Variants in NBPF15 observed in about 807,000 individuals in gnomAD.
NBPF15 encodes the protein NBPF family member NBPF15.
In NBPF15, 74 loss-of-function variants were observed where a neutral mutation model predicts 62.2. The observed-to-expected ratio is 1.19, with a 90% CI of 0.99 to 1.44. The LOEUF is 1.44. NBPF15 is among the 40% of genes most tolerant of loss of function. The pLI is 0.00. For synonymous variants in NBPF15, 244 were observed against 209.7 expected (o/e 1.16, Z -1.41); for missense variants, 790 against 550.0 (o/e 1.44, Z -4.36).
chr1:144,424,556 A>T, intron 20 of NBPF15, 134 bp downstream of exon 20: 1 of 632,342 alleles, frequency 1.6e-6, no homozygotes, highest in Admixed American at 2.9e-5. Flanking sequence ...AGTTTCATTC[A>T]ACCTACATGT....
intron 13 of NBPF15, among the ~76,000 whole-genome samples, chr1:144,430,843 A>C (rs1673640701): frequency 1.3e-5 from 2 of 151,940 alleles, no homozygotes; most frequent in South Asian, 4.2e-4. Flanking sequence ...GATTAGACGA[A>C]TGGCTAACCA....
At chr1:144,427,167 T>C in intron 16 of NBPF15, 69 bp from the exon 17 acceptor site, 2 of 571,164 alleles carry the variant, frequency 3.5e-6, no homozygotes, top group Admixed American at 3.1e-5. Flanking sequence ...ATCCACTGTC[T>C]AATCCTCACA....
rs1379999912 is a variant in NBPF15 at position 144,423,010 on chromosome 1, T to C, written c.*3A>G. ...TGACATCTCTCGGCTTAGTAAGAGC[T>C]GCTTATTGTGGGAATATGACTCCCA... On this transcript the variant is annotated 3_prime_UTR_variant, in exon 22 of 22. Coordinates refer to ENST00000581897, the MANE Select transcript of NBPF15 (RefSeq NM_001385408.1). 3 of 1,611,670 alleles carry C rather than the reference T, an allele frequency of 1.9e-6. No homozygotes were observed. In the South Asian group the frequency reaches 3.3e-5, roughly 18 times the overall value.
At chr1:144,461,253 T>G in intron 1 of NBPF15, 128 bp downstream of exon 1, 1 of 151,986 alleles carries the variant, frequency 6.6e-6, no homozygotes, top group East Asian at 1.9e-4. Flanking sequence ...GCATGGAACT[T>G]AAGCCCCGGC....
intron 17 of NBPF15, among the ~76,000 whole-genome samples, chr1:144,426,785 A>G (rs1251386499): frequency 6.6e-6 from 1 of 151,424 alleles, no homozygotes; most frequent in Non-Finnish European, 1.5e-5. Flanking sequence ...GGGCTCAATA[A>G]TTTTCCATAA....
intron 13 of NBPF15, among the ~76,000 whole-genome samples, chr1:144,430,911 G>A (rs1423832468): frequency 2.6e-5 from 4 of 151,986 alleles, no homozygotes; most frequent in African/African-American, 4.8e-5. Context: ...ACCATGGCAC[G>A]AGAACTACGT....
At chr1:144,436,374 G>A (rs1221449519) in intron 10 of NBPF15, among the ~76,000 whole-genome samples, 1 of 151,868 alleles carries the variant, frequency 6.6e-6, no homozygotes, top group Non-Finnish European at 1.5e-5. Context: ...CCCACATAAA[G>A]TGCCTTCTCC....
chr1:144,461,256 G>A (rs1290344671), intron 1 of NBPF15, 125 bp downstream of exon 1: 2 of 152,060 alleles, frequency 1.3e-5, no homozygotes, highest in Non-Finnish European at 2.9e-5. Context: ...TGGAACTTAA[G>A]CCCCGGCGGG....
intron 20 of NBPF15, among the ~76,000 whole-genome samples, chr1:144,424,238 C>A (rs1297415720): frequency 6.6e-6 from 1 of 151,822 alleles, no homozygotes; most frequent in Non-Finnish European, 1.5e-5. Context: ...AACAGTTATG[C>A]CATATTTTTC....
At chr1:144,441,921 G>C (rs1213689724) in intron 6 of NBPF15, among the ~76,000 whole-genome samples, 4 of 148,216 alleles carry the variant, frequency 2.7e-5, no homozygotes, top group African/African-American at 1.0e-4. Flanking sequence ...TAGAAGCGGC[G>C]GTGCGAGCAT....
At chr1:144,431,273 C>T (rs1674037256) in intron 13 of NBPF15, among the ~76,000 whole-genome samples, 1 of 150,564 alleles carries the variant, frequency 6.6e-6, no homozygotes, top group South Asian at 2.1e-4. Context: ...ACTTAATTGT[C>T]AGATTCACCA....
chr1:144,436,112 T>G (rs1325052652), intron 10 of NBPF15, among the ~76,000 whole-genome samples: 1 of 152,054 alleles, frequency 6.6e-6, no homozygotes, highest in Admixed American at 6.6e-5. Context: ...TGGAGGCTTG[T>G]GCAGCCTCTC....
chr1:144,423,849 T>A, intron 21 of NBPF15, 21 bp downstream of exon 21: 1 of 763,606 alleles, frequency 1.3e-6, no homozygotes, highest in Non-Finnish European at 2.4e-6. Flanking sequence ...GAATTAAGCA[T>A]CCACAATTGC....
At chr1:144,458,164 G>A (rs74124143) in intron 3 of NBPF15, among the ~76,000 whole-genome samples, 16 of 152,042 alleles carry the variant, frequency 1.1e-4, no homozygotes, top group East Asian at 9.6e-4. Flanking sequence ...ACATCACGTC[G>A]GCCCTTTAAA....
At chr1:144,426,213 C>G in intron 18 of NBPF15, 65 bp downstream of exon 18, 3 of 585,464 alleles carry the variant, frequency 5.1e-6, no homozygotes, top group Middle Eastern at 4.5e-4. Flanking sequence ...CCACTTGGAA[C>G]AGGAATATCA....
At chr1:144,442,003 G>T (rs1235027526) in intron 6 of NBPF15, among the ~76,000 whole-genome samples, 2 of 147,768 alleles carry the variant, frequency 1.4e-5, no homozygotes, top group Non-Finnish European at 3.0e-5. Flanking sequence ...ACACACCAGG[G>T]CCTGTCATGG....
chr1:144,453,473 T>G (rs1408209042), intron 4 of NBPF15, among the ~76,000 whole-genome samples: 3 of 151,512 alleles, frequency 2.0e-5, no homozygotes, highest in African/African-American at 4.8e-5. Context: ...AAAAAAAAAT[T>G]AAGTTGAGCC....
intron 13 of NBPF15, among the ~76,000 whole-genome samples, chr1:144,431,448 TTTTCC>T (rs1674210383): frequency 6.7e-6 from 1 of 148,584 alleles, no homozygotes; most frequent in Admixed American, 6.6e-5. Flanking sequence ...ATATGTATAG[TTTTCC>T]TTTATTATTT....
At chr1:144,431,428 T>A (rs1192760149) in intron 13 of NBPF15, among the ~76,000 whole-genome samples, 1 of 150,672 alleles carries the variant, frequency 6.6e-6, no homozygotes, top group Non-Finnish European at 1.5e-5. Flanking sequence ...TCAACATTCT[T>A]TTTTTTTCCA....
Sources: allele counts gnomAD v4.1 joint callset (sites outside exome capture counted in the v4.1 genomes callset), GRCh38; gene constraint gnomAD v4.1.1; transcripts MANE v1.5; gene names NCBI Gene and HGNC (gene_info 2026-07-23, HGNC 2026-07-21).